SHLD1: variants seen among roughly 807,000 people sequenced by gnomAD.
SHLD1 encodes the protein RINN1-REV7-interacting novel NHEJ regulator 3.
Under a neutral mutation model 5.5 loss-of-function variants are expected in SHLD1, and 3 were observed. The observed-to-expected ratio is 0.54, with a 90% CI of 0.25 to 1.40. The LOEUF is 1.40. SHLD1 is among the 40% of genes most tolerant of loss of function. The pLI is 0.15. For missense variants in SHLD1, 210 were observed against 244.4 expected, an observed-to-expected ratio of 0.86 and a Z score of 0.94; for synonymous variants, 92 against 94.3, an observed-to-expected ratio of 0.98 and a Z score of 0.14.
At chr20:5,798,447 C>T (rs591358) in intron 2 of SHLD1, among the ~76,000 whole-genome samples, 126,971 of 151,164 alleles carry the variant, frequency 0.84, 53,660 homozygotes, top group East Asian at 1. Flanking sequence ...GGACTACAGG[C>T]GCCTGCCACC....
intron 1 of SHLD1, among the ~76,000 whole-genome samples, chr20:5,751,368 A>G (rs1410799043): frequency 6.6e-6 from 1 of 152,168 alleles, no homozygotes; most frequent in East Asian, 1.9e-4. Flanking sequence ...GTATAGTGGC[A>G]CGATCTTGGC....
At chr20:5,834,482 T>A (rs1472573983) in intron 2 of SHLD1, among the ~76,000 whole-genome samples, 1 of 152,212 alleles carries the variant, frequency 6.6e-6, no homozygotes, top group Non-Finnish European at 1.5e-5. Flanking sequence ...TTTGTTTTTT[T>A]AATTAAAAGT....
At chr20:5,760,040 A>G (rs1984372162) in intron 1 of SHLD1, among the ~76,000 whole-genome samples, 1 of 152,158 alleles carries the variant, frequency 6.6e-6, no homozygotes, top group Non-Finnish European at 1.5e-5. Context: ...TTGACAGTAT[A>G]TTGCAGACAT....
intron 1 of SHLD1, among the ~76,000 whole-genome samples, chr20:5,764,048 AC>A (rs1231269745): frequency 6.9e-6 from 1 of 145,912 alleles, no homozygotes; most frequent in Non-Finnish European, 1.5e-5. Flanking sequence ...AATTGCTTAA[AC>A]CCAGGAGGCG....
chr20:5,852,419 T>C (rs143632339), intron 2 of SHLD1, among the ~76,000 whole-genome samples: 3,455 of 139,462 alleles, frequency 0.025, 129 homozygotes, highest in African/African-American at 0.085. Context: ...TTCCCTCCCT[T>C]CCTTCCTTCC....
intron 2 of SHLD1, chr20:5,773,267 T>C (rs1555770041): frequency 9.0e-6 from 6 of 664,424 alleles, no homozygotes; most frequent in South Asian, 6.8e-5. Flanking sequence ...CTTTTTGTTA[T>C]TGTTGCTGTT....
intron 2 of SHLD1, among the ~76,000 whole-genome samples, chr20:5,815,067 A>G (rs1381164507): frequency 6.6e-6 from 1 of 152,204 alleles, no homozygotes; most frequent in East Asian, 1.9e-4. Context: ...CTGTGGTTCC[A>G]GAAGCCATTC....
intron 2 of SHLD1, among the ~76,000 whole-genome samples, chr20:5,784,005 A>C (rs1711673693): frequency 6.6e-6 from 1 of 152,102 alleles, no homozygotes; most frequent in South Asian, 2.1e-4. Flanking sequence ...TACAAAAATT[A>C]GCCAGGTTGG....
intron 1 of SHLD1, among the ~76,000 whole-genome samples, chr20:5,767,145 TTC>T (rs1984880411): frequency 6.6e-6 from 1 of 150,690 alleles, no homozygotes; most frequent in South Asian, 2.1e-4. Context: ...TTCTTTTCTT[TTC>T]TTTTTGAGAC....
intron 2 of SHLD1, among the ~76,000 whole-genome samples, chr20:5,815,375 T>A (rs1196808486): frequency 6.6e-6 from 1 of 152,184 alleles, no homozygotes; most frequent in Non-Finnish European, 1.5e-5. Context: ...AAATGTAATG[T>A]GACTATTAAC....
At chr20:5,829,183 A>G (rs140434200) in intron 2 of SHLD1, among the ~76,000 whole-genome samples, 1 of 152,258 alleles carries the variant, frequency 6.6e-6, no homozygotes, top group East Asian at 1.9e-4. Flanking sequence ...GCCAGATTTT[A>G]TTATTAATTA....
chr20:5,831,499 C>CTGA (rs1398517285), intron 2 of SHLD1, among the ~76,000 whole-genome samples: 8 of 152,146 alleles, frequency 5.3e-5, no homozygotes, highest in South Asian at 2.1e-4. Context: ...TTCATATCTC[C>CTGA]ATTCAGGAGA....
At chr20:5,780,821 C>T (rs1482411885) in intron 2 of SHLD1, among the ~76,000 whole-genome samples, 1 of 152,174 alleles carries the variant, frequency 6.6e-6, no homozygotes, top group Non-Finnish European at 1.5e-5. Flanking sequence ...CTAAGCCTGC[C>T]CTTACTCAGA....
In SHLD1 at chr20:5,808,561, T is replaced by G. The variant is rs112759631; in HGVS notation, c.178+35518T>G. 5.8e-3 allele frequency among the ~76,000 whole-genome samples: 891 copies of G among 152,352 alleles called. 4 individuals carry two copies. The highest frequency in any genetic ancestry group is 0.021 in the African/African-American group (863 of 41,572). ...GTTGGTACATGTAGCTCTCTCATAT[T>G]TTTACTGTCTGCATAGTATCCCATT... On this transcript the variant is annotated intron_variant, in intron 2 of 2. Transcript: ENST00000303142.
intron 2 of SHLD1, among the ~76,000 whole-genome samples, chr20:5,804,520 G>A (rs912781145): frequency 2.0e-5 from 3 of 151,986 alleles, no homozygotes; most frequent in African/African-American, 2.4e-5. Flanking sequence ...TCCTGTGATC[G>A]TTCATTATCT....
intron 2 of SHLD1, among the ~76,000 whole-genome samples, chr20:5,815,006 C>G (rs2087510689): frequency 6.6e-6 from 1 of 152,084 alleles, no homozygotes; most frequent in Non-Finnish European, 1.5e-5. Flanking sequence ...AAGGAAACAT[C>G]CAGAATTTGC....
intron 2 of SHLD1, among the ~76,000 whole-genome samples, chr20:5,775,029 C>T (rs1005533287): frequency 2.6e-5 from 4 of 151,984 alleles, no homozygotes; most frequent in Non-Finnish European, 1.5e-5. Context: ...TTGAACAGAA[C>T]TTTGTTTGTG....
intron 2 of SHLD1, among the ~76,000 whole-genome samples, chr20:5,774,455 G>A (rs558259324): frequency 6.6e-6 from 1 of 152,268 alleles, no homozygotes; most frequent in Admixed American, 6.5e-5. Flanking sequence ...GTACCTGACT[G>A]TGTTAGTTCA....
Position 5,855,982 on chromosome 20 carries a change from T to A in SHLD1, c.179-7042T>A, listed in dbSNP as rs1356260950. 1.3e-5 allele frequency among the ~76,000 whole-genome samples: 2 copies of A among 152,138 alleles called. No homozygotes were observed. The highest frequency in any genetic ancestry group is 2.9e-5 in the Non-Finnish European group (2 of 68,004). ...CTCTGCTATAGTCACTAGGCAATGT[T>A]GAGATAGTAGCTGCTCTGTTGGTCT... On this transcript the variant is annotated intron_variant, in intron 2 of 2. Coordinates refer to ENST00000303142, the MANE Select transcript of SHLD1 (RefSeq NM_152504.4). This position sits in a 1 kb window ranked among gnomAD's most constrained non-coding sequence, Gnocchi z 4.4.
Sources: gnomAD v4.1 joint callset for allele counts (sites outside exome capture counted in the v4.1 genomes callset) on GRCh38, gnomAD v4.1.1 for gene constraint, Gnocchi (gnomAD v3.1) non-coding constraint, MANE v1.5 for transcripts, NCBI Gene and HGNC (gene_info 2026-07-23, HGNC 2026-07-21) for gene names.